The following PACC1 variants were observed in gnomAD, a reference collection of about 807,000 sequenced individuals.
PACC1 encodes the protein proton-activated chloride channel.
PACC1 carries 34 observed loss-of-function variants against 39.7 expected under a neutral mutation model. The observed-to-expected ratio is 0.86, with a 90% CI of 0.65 to 1.14. The LOEUF (loss-of-function observed/expected upper bound fraction) is 1.14. Ranked by LOEUF, PACC1 falls within the 50% of genes most tolerant of loss-of-function variation. The pLI, the probability that PACC1 is intolerant of heterozygous loss-of-function variation, is 0.00. For missense variants in PACC1, 379 were observed against 436.4 expected (o/e 0.87, Z 1.17); for synonymous variants, 127 against 160.6 (o/e 0.79, Z 1.58).
At chr1:212,371,472 A>G (rs1660457098) in intron 7 of PACC1, among the ~76,000 whole-genome samples, 1 of 152,110 alleles carries the variant, frequency 6.6e-6, no homozygotes, top group Non-Finnish European at 1.5e-5. Context: ...AAATTCCTGG[A>G]TACATTGTCT....
chr1:212,399,683 C>T (rs535609243), intron 2 of PACC1, among the ~76,000 whole-genome samples: 65 of 152,280 alleles, frequency 4.3e-4, no homozygotes, highest in African/African-American at 1.5e-3. Flanking sequence ...GCTGGGACTA[C>T]AGGCACATGC....
At position 212,413,753 on chromosome 1, in the gene PACC1, C is replaced by G. The variant is rs953225766; in HGVS notation, c.36+969G>C. 6 of 906,416 alleles carry G rather than the reference C, an allele frequency of 6.6e-6. No individual in the cohort carries two copies. In the Admixed American group the frequency reaches 1.2e-4, roughly 18 times the overall value. The allele number at this position is 906,416 out of a possible 1,614,324, so 56.1% of individuals were successfully genotyped here. On this transcript the variant is annotated intron_variant, in intron 1 of 7. Transcript: ENST00000261455. ...GGGCAGACGAAGGGCAGCGTCAGGT[C>G]TGAGAAAAAAGGAATGCTCCGAGGT...
At chr1:212,372,697 G>A (rs1660504504) in intron 7 of PACC1, among the ~76,000 whole-genome samples, 1 of 151,988 alleles carries the variant, frequency 6.6e-6, no homozygotes, top group Admixed American at 6.5e-5. Flanking sequence ...TATGCTAACA[G>A]CGAGCAATCT....
At chr1:212,388,647 T>C (rs1319238035) in intron 2 of PACC1, among the ~76,000 whole-genome samples, 1 of 152,234 alleles carries the variant, frequency 6.6e-6, no homozygotes, top group African/African-American at 2.4e-5. Context: ...GGCAGCCATC[T>C]GCAAGCCAAG....
chr1:212,397,000 A>G (rs1252590864), intron 2 of PACC1, among the ~76,000 whole-genome samples: 2 of 152,172 alleles, frequency 1.3e-5, no homozygotes, highest in Non-Finnish European at 2.9e-5. Flanking sequence ...TCAAAAATGA[A>G]GATGAAATAA....
intron 4 of PACC1, among the ~76,000 whole-genome samples, chr1:212,381,597 G>C (rs748872706): frequency 3.3e-5 from 5 of 151,856 alleles, no homozygotes; most frequent in Non-Finnish European, 5.9e-5. Flanking sequence ...CGAAAGAAAA[G>C]GGGACTCATT....
intron 2 of PACC1, among the ~76,000 whole-genome samples, chr1:212,409,364 G>C (rs938607884): frequency 1.3e-5 from 2 of 152,144 alleles, no homozygotes; most frequent in Non-Finnish European, 2.9e-5. Flanking sequence ...AAATGAGTGA[G>C]CTGAAAGCTG....
chr1:212,384,518 C>T (rs778072896), intron 4 of PACC1, among the ~76,000 whole-genome samples: 4 of 152,200 alleles, frequency 2.6e-5, no homozygotes, highest in Admixed American at 6.5e-5. Context: ...TACAACATGT[C>T]GTCTCTTCCC....
intron 1 of PACC1, among the ~76,000 whole-genome samples, chr1:212,412,501 G>C (rs902917408): frequency 1.3e-5 from 2 of 152,098 alleles, no homozygotes; most frequent in Non-Finnish European, 1.5e-5. Context: ...CTCACAGAAT[G>C]GTTCAGGAAG....
intron 6 of PACC1, 61 bp downstream of exon 6, chr1:212,377,501 C>T (rs760232858): frequency 2.4e-5 from 38 of 1,602,572 alleles, no homozygotes; most frequent in Non-Finnish European, 2.7e-5. Context: ...AGCTTCCCTC[C>T]ACCTCAGACT....
rs1477597190 is a variant in PACC1, at chr1:212,365,348, A to G, written c.920T>C (p.Ile307Thr). 6.2e-7 allele frequency: 1 copy of G among 1,612,598 alleles called. No homozygotes were observed. Among genetic ancestry groups the G allele is most frequent in the Non-Finnish European group, 8.5e-7 (1 of 1,179,486 alleles). Residue 307 changes from isoleucine to threonine, a missense_variant, in exon 8 of 8, where the codon ATT becomes ACT. Transcript: ENST00000261455. ...CAAGAAGGCGCCACAGAGAAGAGCAATTGTGTTCCAAGGATTGGCAGTGAC... is the reference window on the plus strand; with the variant it reads ...CAAGAAGGCGCCACAGAGAAGAGCAGTTGTGTTCCAAGGATTGGCAGTGAC... ...DIVTANPWNT[I>T]ALLCGAFLAL... is the part of the protein sequence containing the mutation.
At chr1:212,391,146 AAGTGGGTCCCTGAACCCTG>A (rs1661305241) in intron 2 of PACC1, among the ~76,000 whole-genome samples, 1 of 152,220 alleles carries the variant, frequency 6.6e-6, no homozygotes. Context: ...CTGCCTCCTC[AAGTGGGTCCCTGAACCCTG>A]AGTAGCCTAT....
intron 2 of PACC1, among the ~76,000 whole-genome samples, chr1:212,401,387 A>G (rs1172862968): frequency 2.6e-5 from 4 of 151,842 alleles, no homozygotes; most frequent in Non-Finnish European, 5.9e-5. Context: ...ACACTTTGGG[A>G]CTCTGAGGTG....
At chr1:212,394,448 A>G (rs1661439019) in intron 2 of PACC1, among the ~76,000 whole-genome samples, 1 of 152,194 alleles carries the variant, frequency 6.6e-6, no homozygotes, top group Non-Finnish European at 1.5e-5. Flanking sequence ...AAATAACAAG[A>G]GCTATTTATG....
intron 2 of PACC1, chr1:212,387,505 C>T: frequency 5.4e-6 from 1 of 184,812 alleles, no homozygotes; most frequent in South Asian, 1.1e-4. Context: ...TGGCCTTATC[C>T]CTCACTGCTC....
At chr1:212,394,825 T>G (rs1431512270) in intron 2 of PACC1, among the ~76,000 whole-genome samples, 1 of 152,102 alleles carries the variant, frequency 6.6e-6, no homozygotes, top group Admixed American at 6.5e-5. Context: ...ATGAGTGAAC[T>G]CCCATTCACA....
At chr1:212,366,492 G>T (rs1417952442) in intron 7 of PACC1, among the ~76,000 whole-genome samples, 3 of 151,770 alleles carry the variant, frequency 2.0e-5, no homozygotes, top group African/African-American at 7.3e-5. Flanking sequence ...AGTAGAGACG[G>T]GGTTTCACCA....
At chr1:212,413,666 G>A (rs1662217134) in intron 1 of PACC1, among the ~76,000 whole-genome samples, 1 of 152,208 alleles carries the variant, frequency 6.6e-6, no homozygotes, top group Non-Finnish European at 1.5e-5. Flanking sequence ...AAAGGTAATG[G>A]GAGACATGGC....
At chr1:212,365,597 A>G (rs1660211863) in intron 7 of PACC1, among the ~76,000 whole-genome samples, 1 of 151,932 alleles carries the variant, frequency 6.6e-6, no homozygotes, top group Non-Finnish European at 1.5e-5. Flanking sequence ...CACCTGGCTA[A>G]TTTTTTGTAT....
Sources: allele counts gnomAD v4.1 joint callset (sites outside exome capture counted in the v4.1 genomes callset), GRCh38; gene constraint gnomAD v4.1.1; transcripts MANE v1.5; gene names NCBI Gene and HGNC (gene_info 2026-07-23, HGNC 2026-07-21).